Variants in MGAT4A observed in about 807,000 individuals in gnomAD.
MGAT4A encodes N-acetylglucosaminyltransferase IVa.
MGAT4A carries 33 observed loss-of-function variants against 74.1 expected under a neutral mutation model. The ratio of observed to expected loss-of-function variants is 0.45; its 90% CI spans 0.34 to 0.60. The LOEUF is 0.60. MGAT4A is among the 20% of genes least tolerant of loss of function. The pLI is 0.02. For missense variants in MGAT4A, 479 were observed against 628.3 expected (o/e 0.76, Z 2.54); for synonymous variants, 198 against 210.4 (o/e 0.94, Z 0.51).
At position 98,622,289 on chromosome 2, in the gene MGAT4A, A is replaced by G; in HGVS notation, c.*3277T>C. ...ACAGAGCTTTCTGCAGTGATGGAAA[A>G]GTTCTGCATCCGTGGTGTCAAGTGT... On this transcript the variant is annotated 3_prime_UTR_variant, in exon 16 of 16. Transcript: ENST00000393487. 1.0e-6 allele frequency: 1 copy of G among 985,456 alleles called. No individual in the cohort carries two copies. The highest frequency in any genetic ancestry group is 1.2e-6 in the Non-Finnish European group (1 of 829,946). 61.0% of individuals were successfully genotyped at this position (985,456 alleles called of 1,614,324 possible).
Position 98,681,813 on chromosome 2 carries a change from C to T in MGAT4A, c.95-3342G>A, listed in dbSNP as rs371012824. On this transcript the variant is annotated intron_variant, in intron 2 of 15. Transcript: ENST00000393487. Reference sequence around the variant, plus strand: ...AGTAAAAAAAGAGTTTTTTTAAGAACTCTTTAGAGAAATAACTTTAAGATA... The same window carrying T: ...AGTAAAAAAAGAGTTTTTTTAAGAATTCTTTAGAGAAATAACTTTAAGATA... 2.8e-4 allele frequency among the ~76,000 whole-genome samples: 43 copies of T among 152,182 alleles called. No homozygotes were observed. The South Asian group carries it at 7.1e-3, about 25-fold the overall frequency.
At chr2:98,706,612 A>T (rs960545963) in intron 2 of MGAT4A, among the ~76,000 whole-genome samples, 2 of 151,346 alleles carry the variant, frequency 1.3e-5, no homozygotes, top group Admixed American at 6.6e-5. Context: ...ATAGGCATTG[A>T]GCCACTGTGC....
chr2:98,630,930 C>T (rs1701222348), intron 14 of MGAT4A, among the ~76,000 whole-genome samples: 1 of 152,136 alleles, frequency 6.6e-6, no homozygotes, highest in African/African-American at 2.4e-5. Context: ...AGTATTAAGA[C>T]AGGAAAGAAG....
chr2:98,701,005 T>C lies in MGAT4A; in HGVS notation c.95-22534A>G, dbSNP rs185066519. On this transcript the variant is annotated intron_variant, in intron 2 of 15. Transcript: ENST00000393487. Reference sequence around the variant, plus strand: ...AGAGTGACATTTGCTCACATCTCTTTAATTCAGCTGAATAGAATACAGCTG... The same window carrying C: ...AGAGTGACATTTGCTCACATCTCTTCAATTCAGCTGAATAGAATACAGCTG... Among the ~76,000 whole-genome samples, 359 of 152,342 alleles carry C rather than the reference T, an allele frequency of 2.4e-3. 1 individual carries two copies. The South Asian group carries it at 0.028, about 12-fold the overall frequency.
intron 4 of MGAT4A, among the ~76,000 whole-genome samples, chr2:98,668,002 G>A (rs1443860483): frequency 2.6e-5 from 4 of 152,180 alleles, no homozygotes; most frequent in Non-Finnish European, 4.4e-5. Flanking sequence ...ACAGGCGTGA[G>A]CCACAGCGCC....
intron 4 of MGAT4A, among the ~76,000 whole-genome samples, chr2:98,670,341 A>G (rs1701896173): frequency 6.6e-6 from 1 of 152,188 alleles, no homozygotes; most frequent in African/African-American, 2.4e-5. Flanking sequence ...GTGCATATGT[A>G]GTACCTCTAT....
chr2:98,657,087 C>G (rs986578149), intron 6 of MGAT4A, among the ~76,000 whole-genome samples: 1 of 152,172 alleles, frequency 6.6e-6, no homozygotes, highest in Non-Finnish European at 1.5e-5. Context: ...CGGCAGCCCC[C>G]ACAACAAAAA....
chr2:98,664,116 AGAATCGCCTGGGAGGCAGAG>A (rs1701791576), intron 4 of MGAT4A, among the ~76,000 whole-genome samples: 3 of 148,238 alleles, frequency 2.0e-5, no homozygotes, highest in African/African-American at 7.5e-5. Flanking sequence ...TGGAGGCACA[AGAATCGCCTGGGAGGCAGAG>A]GTTGCAGTGA....
At chr2:98,683,908 TTC>T (rs1377206745) in intron 2 of MGAT4A, among the ~76,000 whole-genome samples, 1 of 152,210 alleles carries the variant, frequency 6.6e-6, no homozygotes, top group Non-Finnish European at 1.5e-5. Context: ...GCTATTGCTG[TTC>T]TTAGTCCAAG....
intron 5 of MGAT4A, among the ~76,000 whole-genome samples, chr2:98,660,418 GCACACACACACACACACACA>G (rs534943882): frequency 3.5e-3 from 503 of 141,712 alleles, no homozygotes; most frequent in African/African-American, 0.012. Context: ...ACACGCACGC[GCACACACACACACACACACA>G]CACACACACA....
At chr2:98,693,763 G>A (rs1702226701) in intron 2 of MGAT4A, among the ~76,000 whole-genome samples, 1 of 151,254 alleles carries the variant, frequency 6.6e-6, no homozygotes, top group Admixed American at 6.6e-5. Flanking sequence ...CTGATAAAAC[G>A]TCAACCCCTG....
intron 2 of MGAT4A, among the ~76,000 whole-genome samples, chr2:98,706,641 A>T (rs956171674): frequency 4.2e-5 from 6 of 141,488 alleles, no homozygotes; most frequent in African/African-American, 1.0e-4. Context: ...ATGTGAATTT[A>T]AAAAAAAAAA....
At position 98,634,600 on chromosome 2, in the gene MGAT4A, G is replaced by C. The variant is rs546562142; in HGVS notation, c.1468+622C>G. Among the ~76,000 whole-genome samples the C allele has an allele frequency of 2.0e-4, 30 of 151,794 alleles. 1 individual carries two copies. In the East Asian group the frequency reaches 5.8e-3, roughly 29 times the overall value. ...GAGATGCAGTCCCTCCCCTGGCTCTGAATTGGAGGCACAGAGCAGCCTGCC... is the reference window on the plus strand; with the variant it reads ...GAGATGCAGTCCCTCCCCTGGCTCTCAATTGGAGGCACAGAGCAGCCTGCC... On this transcript the variant is annotated intron_variant, in intron 14 of 15. Coordinates refer to ENST00000393487, the MANE Select transcript of MGAT4A (RefSeq NM_012214.3).
At chr2:98,644,163 A>G in intron 9 of MGAT4A, 110 bp from the exon 10 acceptor site, 1 of 1,068,622 alleles carries the variant, frequency 9.4e-7, no homozygotes, top group Non-Finnish European at 1.3e-6. Flanking sequence ...GCTTTCAACT[A>G]TAAATCATCA....
At chr2:98,676,130 T>G (rs1269644524) in intron 3 of MGAT4A, among the ~76,000 whole-genome samples, 1 of 152,120 alleles carries the variant, frequency 6.6e-6, no homozygotes, top group East Asian at 1.9e-4. Context: ...GAATTTAACC[T>G]TAGAAAAAAG....
chr2:98,648,300 A>G (rs1233706899), intron 8 of MGAT4A, among the ~76,000 whole-genome samples: 2 of 152,262 alleles, frequency 1.3e-5, no homozygotes, highest in Middle Eastern at 3.4e-3. Flanking sequence ...GGAGTTTGAA[A>G]CCAGCCTGGC....
chr2:98,635,597 A>T (rs1575242631), intron 13 of MGAT4A, among the ~76,000 whole-genome samples: 1 of 152,206 alleles, frequency 6.6e-6, no homozygotes, highest in East Asian at 1.9e-4. Context: ...AAATCTAAGG[A>T]TTCCTTAGAG....
intron 2 of MGAT4A, among the ~76,000 whole-genome samples, chr2:98,699,139 C>T (rs142832477): frequency 2.6e-5 from 4 of 152,244 alleles, no homozygotes; most frequent in East Asian, 3.9e-4. Flanking sequence ...CACTTCCTTC[C>T]CACAGTAGCG....
intron 2 of MGAT4A, among the ~76,000 whole-genome samples, chr2:98,699,610 T>C (rs1054702432): frequency 6.6e-6 from 1 of 152,184 alleles, no homozygotes; most frequent in Admixed American, 6.5e-5. Flanking sequence ...AATTGATCAA[T>C]AATATGCATA....
Sources: gnomAD v4.1 joint callset for allele counts (sites outside exome capture counted in the v4.1 genomes callset) on GRCh38, gnomAD v4.1.1 for gene constraint, MANE v1.5 for transcripts, NCBI Gene and HGNC (gene_info 2026-07-23, HGNC 2026-07-21) for gene names.